The following LRFN5 variants were observed in gnomAD, a reference collection of about 807,000 sequenced individuals.
The protein encoded by LRFN5 is leucine rich repeat and fibronectin type III domain containing 5, also known as leucine-rich repeat and fibronectin type-III domain-containing protein 5.
In LRFN5, 24 loss-of-function variants were observed where a neutral mutation model predicts 45.6. The ratio of observed to expected loss-of-function variants is 0.53; its 90% confidence interval spans 0.38 to 0.74. The LOEUF (loss-of-function observed/expected upper bound fraction) is 0.74. LRFN5 is among the 30% of genes least tolerant of loss of function. The pLI is 0.00. For synonymous variants in LRFN5, 340 were observed against 313.8 expected (o/e 1.08, Z -0.88); for missense variants, 776 against 861.5 (o/e 0.90, Z 1.24).
chr14:41,894,171 G>T, intron 4 of LRFN5: 1 of 985,070 alleles, frequency 1.0e-6, no homozygotes, highest in African/African-American at 1.7e-5. Flanking sequence ...GATTATGAAG[G>T]TTGTGATCAA....
chr14:41,790,544 C>T (rs1886882268), intron 2 of LRFN5, among the ~76,000 whole-genome samples: 1 of 144,686 alleles, frequency 6.9e-6, no homozygotes, highest in African/African-American at 2.5e-5. Flanking sequence ...AATATTTGCT[C>T]TTCTTCTTTA....
intron 4 of LRFN5, 104 bp from the exon 5 acceptor site, chr14:41,898,813 T>TA: frequency 9.5e-7 from 1 of 1,048,196 alleles, no homozygotes. Flanking sequence ...AAATCTTTGT[T>TA]AATTCTTGAT....
intron 2 of LRFN5, among the ~76,000 whole-genome samples, chr14:41,850,567 G>T (rs1889230420): frequency 6.6e-6 from 1 of 151,844 alleles, no homozygotes; most frequent in Non-Finnish European, 1.5e-5. Flanking sequence ...TCTCATTAAA[G>T]TGAGAACAAA....
chr14:41,759,576 A>G (rs188449315), intron 1 of LRFN5, among the ~76,000 whole-genome samples: 12 of 152,164 alleles, frequency 7.9e-5, no homozygotes, highest in African/African-American at 2.6e-4. Flanking sequence ...AAGCACAGGT[A>G]AAGACTCTGA....
At chr14:41,889,247 A>T (rs1021226402) in intron 3 of LRFN5, among the ~76,000 whole-genome samples, 1 of 151,604 alleles carries the variant, frequency 6.6e-6, no homozygotes, top group African/African-American at 2.4e-5. Flanking sequence ...TTTTTAAAGC[A>T]TGGACTAATA....
At chr14:41,696,659 T>C (rs1242878676) in intron 1 of LRFN5, among the ~76,000 whole-genome samples, 1 of 150,138 alleles carries the variant, frequency 6.7e-6, no homozygotes, top group Non-Finnish European at 1.5e-5. Flanking sequence ...TTTTCCACAA[T>C]GGACTAACTA....
intron 2 of LRFN5, among the ~76,000 whole-genome samples, chr14:41,819,575 T>C (rs967970307): frequency 6.6e-6 from 1 of 152,108 alleles, no homozygotes; most frequent in Non-Finnish European, 1.5e-5. Context: ...CCAGGAAGCA[T>C]GGCATCATCT....
At chr14:41,843,398 T>C (rs1344737405) in intron 2 of LRFN5, among the ~76,000 whole-genome samples, 2 of 152,180 alleles carry the variant, frequency 1.3e-5, no homozygotes, top group African/African-American at 4.8e-5. Flanking sequence ...CTTAATGATA[T>C]CCTTCATAAG....
chr14:41,776,232 A>G (rs550824737), intron 2 of LRFN5, among the ~76,000 whole-genome samples: 33 of 152,348 alleles, frequency 2.2e-4, no homozygotes, highest in African/African-American at 6.7e-4. Flanking sequence ...ATACACATAA[A>G]TGACTTCCTG....
chr14:41,828,565 T>C (rs192418819), intron 2 of LRFN5, among the ~76,000 whole-genome samples: 140 of 152,108 alleles, frequency 9.2e-4, no homozygotes, highest in Non-Finnish European at 1.8e-3. Flanking sequence ...CCCACTTTTC[T>C]CCATGTAGTA....
chr14:41,832,810 T>G (rs1429961687), intron 2 of LRFN5, among the ~76,000 whole-genome samples: 1 of 152,194 alleles, frequency 6.6e-6, no homozygotes, highest in East Asian at 1.9e-4. Context: ...TGTGAGCTGT[T>G]TCAGGATAAT....
intron 1 of LRFN5, among the ~76,000 whole-genome samples, chr14:41,626,993 T>TGTTCTAGGA: frequency 6.6e-6 from 1 of 152,130 alleles, no homozygotes; most frequent in African/African-American, 2.4e-5. Flanking sequence ...TGCATATTCC[T>TGTTCTAGGA]AGAACAGAAG....
intron 2 of LRFN5, among the ~76,000 whole-genome samples, chr14:41,772,686 A>T (rs904416808): frequency 6.6e-6 from 1 of 152,112 alleles, no homozygotes; most frequent in African/African-American, 2.4e-5. Context: ...ACATGCCTTA[A>T]ATTTAACTTG....
chr14:41,867,004 T>C (rs1441827373), intron 2 of LRFN5, among the ~76,000 whole-genome samples: 1 of 152,128 alleles, frequency 6.6e-6, no homozygotes, highest in Non-Finnish European at 1.5e-5. Context: ...CATAGTGAGA[T>C]ACACAGTCTA....
At chr14:41,648,331 A>G (rs1372971815) in intron 1 of LRFN5, among the ~76,000 whole-genome samples, 1 of 152,124 alleles carries the variant, frequency 6.6e-6, no homozygotes, top group African/African-American at 2.4e-5. Flanking sequence ...AATCTTCCAA[A>G]TCAATAAATG....
intron 1 of LRFN5, among the ~76,000 whole-genome samples, chr14:41,639,949 ATTTTTTTTT>A (rs34020254): frequency 1.8e-4 from 12 of 68,036 alleles, no homozygotes; most frequent in African/African-American, 4.6e-4. Flanking sequence ...TGACTGGCTA[ATTTTTTTTT>A]TTTTTTTTTT....
At chr14:41,695,911 TG>T (rs1882590134) in intron 1 of LRFN5, among the ~76,000 whole-genome samples, 1 of 151,980 alleles carries the variant, frequency 6.6e-6, no homozygotes, top group African/African-American at 2.4e-5. Context: ...ATAAGACTGT[TG>T]CTGCCATTGA....
intron 1 of LRFN5, chr14:41,610,033 A>C (rs981164423): frequency 6.6e-6 from 1 of 152,638 alleles, no homozygotes; most frequent in Non-Finnish European, 1.5e-5. Flanking sequence ...CTACAAGGCC[A>C]TGTATGCAGC....
chr14:41,656,395 A>T (rs1218411716), intron 1 of LRFN5, among the ~76,000 whole-genome samples: 1 of 151,956 alleles, frequency 6.6e-6, no homozygotes, highest in African/African-American at 2.4e-5. Flanking sequence ...ACCGAATTTT[A>T]TTCTTGTTTG....
Sources: gnomAD v4.1 joint callset for allele counts (sites outside exome capture counted in the v4.1 genomes callset) on GRCh38, gnomAD v4.1.1 for gene constraint, MANE v1.5 for transcripts, NCBI Gene and HGNC (gene_info 2026-07-23, HGNC 2026-07-21) for gene names.